KCND3: variants seen among roughly 807,000 people sequenced by gnomAD.
The protein encoded by KCND3 is A-type voltage-gated potassium channel KCND3.
KCND3 carries 9 observed loss-of-function variants against 51.1 expected under a neutral mutation model. That is an observed-to-expected ratio of 0.18 (90% CI 0.11 to 0.31). The LOEUF is 0.31. Among genes scored for constraint, KCND3 ranks in the 10% least tolerant of loss-of-function variants. The probability of loss-of-function intolerance (pLI) is 1.00; values close to 1 mark genes in which losing one functional copy is unlikely to be tolerated. For missense variants in KCND3, 526 were observed against 903.8 expected (o/e 0.58, Z 5.36); for synonymous variants, 349 against 368.0 (o/e 0.95, Z 0.59).
At chr1:111,839,819 G>A (rs1490468726) in intron 2 of KCND3, among the ~76,000 whole-genome samples, 1 of 152,256 alleles carries the variant, frequency 6.6e-6, no homozygotes, top group Non-Finnish European at 1.5e-5. Context: ...AGGTAGGTCT[G>A]ATTCTGAATC....
intron 2 of KCND3, chr1:111,856,775 G>C (rs995108379): frequency 2.0e-5 from 3 of 152,506 alleles, no homozygotes; most frequent in African/African-American, 4.8e-5. Context: ...CTGGGGGCCA[G>C]ACTGGATGGA....
intron 2 of KCND3, among the ~76,000 whole-genome samples, chr1:111,862,405 C>T (rs1668374433): frequency 6.6e-6 from 1 of 152,244 alleles, no homozygotes; most frequent in African/African-American, 2.4e-5. Flanking sequence ...TGCTAATGCC[C>T]CCAACCCTTT....
chr1:111,854,080 T>C (rs1667947329), intron 2 of KCND3: 1 of 152,172 alleles, frequency 6.6e-6, no homozygotes, highest in Admixed American at 6.5e-5. Flanking sequence ...TGTCAGAACA[T>C]GGGGCCCCTC....
intron 2 of KCND3, among the ~76,000 whole-genome samples, chr1:111,867,675 G>A (rs1174881547): frequency 1.3e-5 from 2 of 152,180 alleles, no homozygotes; most frequent in Non-Finnish European, 2.9e-5. Context: ...TCCTAGGGTA[G>A]TATGCACATC....
At chr1:111,776,407 G>A (rs1664115011) in intron 7 of KCND3, 129 bp from the exon 8 acceptor site, 6 of 840,732 alleles carry the variant, frequency 7.1e-6, no homozygotes, top group South Asian at 1.4e-5. Context: ...TCTGCCTTTT[G>A]TAATCAACTT....
intron 2 of KCND3, among the ~76,000 whole-genome samples, chr1:111,892,582 C>T (rs1308568826): frequency 1.3e-5 from 2 of 152,150 alleles, no homozygotes; most frequent in South Asian, 2.1e-4. Context: ...GGCTATGTTT[C>T]CTGGAACTAT....
chr1:111,818,602 G>A (rs944124476), intron 2 of KCND3, among the ~76,000 whole-genome samples: 4 of 152,224 alleles, frequency 2.6e-5, no homozygotes, highest in Non-Finnish European at 2.9e-5. Flanking sequence ...CAGGGGAACA[G>A]ATGGAGTGCG....
intron 2 of KCND3, among the ~76,000 whole-genome samples, chr1:111,874,378 G>C (rs1043461642): frequency 1.3e-5 from 2 of 152,232 alleles, no homozygotes; most frequent in Non-Finnish European, 2.9e-5. Context: ...CCTTGGGACT[G>C]AGTTGCTGCC....
chr1:111,904,539 C>T (rs1670548786), intron 2 of KCND3, among the ~76,000 whole-genome samples: 1 of 152,170 alleles, frequency 6.6e-6, no homozygotes, highest in South Asian at 2.1e-4. Context: ...GAATGTTAAG[C>T]CTTCCCATGC....
At chr1:111,988,784 C>T (rs1675452338) in intron 1 of KCND3, 1 of 152,208 alleles carries the variant, frequency 6.6e-6, no homozygotes, top group Non-Finnish European at 1.5e-5. Context: ...TCTGGAACCT[C>T]AGCCTGTTGC....
At chr1:111,825,322 C>T (rs1052807315) in intron 2 of KCND3, among the ~76,000 whole-genome samples, 2 of 152,152 alleles carry the variant, frequency 1.3e-5, no homozygotes, top group Non-Finnish European at 1.5e-5. Flanking sequence ...CACAATGGCC[C>T]ATCAGCTCAG....
Position 111,780,157 on chromosome 1 carries a change from G to T in KCND3, c.1461+68C>A. On this transcript the variant is annotated intron_variant, in intron 5 of 7. Transcript: ENST00000302127. This position sits in a 1 kb window ranked among gnomAD's most constrained non-coding sequence, Gnocchi z 4.2. ...TTGACTTCTGGCCCAGAGTGAAGAT[G>T]TGAGTACAGCCTTAGAAAAGGGTCA... The T allele has an allele frequency of 7.0e-7, 1 of 1,418,678 alleles. No homozygotes were observed. The highest frequency in any genetic ancestry group is 9.7e-7 in the Non-Finnish European group (1 of 1,027,120). The allele number at this position is 1,418,678 out of a possible 1,614,324, so 87.9% of individuals were successfully genotyped here.
chr1:111,850,575 C>A (rs923877856), intron 2 of KCND3, among the ~76,000 whole-genome samples: 1 of 152,194 alleles, frequency 6.6e-6, no homozygotes, highest in African/African-American at 2.4e-5. Context: ...ATAGCCTGGG[C>A]GCACTGAACT....
chr1:111,857,118 C>G (rs1668110977), intron 2 of KCND3, among the ~76,000 whole-genome samples: 1 of 152,202 alleles, frequency 6.6e-6, no homozygotes, highest in African/African-American at 2.4e-5. Context: ...ATTTCATTTA[C>G]AAATAGTAAG....
At chr1:111,778,634 C>T in intron 5 of KCND3, 142 bp from the exon 6 acceptor site, 4 of 814,434 alleles carry the variant, frequency 4.9e-6, no homozygotes, top group Non-Finnish European at 8.4e-6. Context: ...TCCCAGCATT[C>T]TGCCCCCTTC....
Position 111,858,460 on chromosome 1 carries a change from A to G in KCND3, c.1107-71354T>C, listed in dbSNP as rs375517834. On this transcript the variant is annotated intron_variant, in intron 2 of 7. Coordinates refer to ENST00000302127, the MANE Select transcript of KCND3 (RefSeq NM_001378969.1). ...GTGGATCCTTTGCTTTCATGGTCCC[A>G]TTTCTCCATAAAAACTTTTTAAAAA... Among the ~76,000 whole-genome samples, 41 of 152,284 alleles carry G rather than the reference A, an allele frequency of 2.7e-4. 1 individual carries two copies. In the South Asian group the frequency reaches 7.7e-3, roughly 28 times the overall value.
At position 111,982,328 on chromosome 1, in the gene KCND3, G is replaced by A. The variant is rs144184587; in HGVS notation, c.399C>T (p.Tyr133=). The A allele has an allele frequency of 3.2e-5, 52 of 1,614,020 alleles. No homozygotes were observed. The highest frequency in any genetic ancestry group is 4.0e-5 in the Non-Finnish European group (47 of 1,180,034). The change falls in exon 2 of 8, where the codon TAC becomes TAT. Residue 133 remains tyrosine (Y), a synonymous_variant. Transcript: ENST00000302127. This position sits in a 1 kb window ranked among gnomAD's most constrained non-coding sequence, Gnocchi z 8.5. Reference sequence around the variant, plus strand: ...CCCTCTTGCGGTCCTTGTACTCCTCGTAGCAGCAGTCCCCGATGATCTCCG... The same window carrying A: ...CCCTCTTGCGGTCCTTGTACTCCTCATAGCAGCAGTCCCCGATGATCTCCG... The part of the protein sequence containing the change: ...ILPEIIGDCC[Y]EEYKDRKREN...
intron 1 of KCND3, among the ~76,000 whole-genome samples, chr1:111,985,761 C>T (rs551415750): frequency 2.6e-5 from 4 of 152,366 alleles, no homozygotes; most frequent in South Asian, 2.1e-4. Flanking sequence ...TCCCCATCTG[C>T]ATGCTAAAGG....
chr1:111,846,694 C>T (rs1557974476), intron 2 of KCND3, among the ~76,000 whole-genome samples: 1 of 152,220 alleles, frequency 6.6e-6, no homozygotes, highest in Non-Finnish European at 1.5e-5. Flanking sequence ...TGAGCATTCA[C>T]AATGACCTTT....
Sources: gnomAD v4.1 joint callset for allele counts (sites outside exome capture counted in the v4.1 genomes callset) on GRCh38, gnomAD v4.1.1 for gene constraint, Gnocchi (gnomAD v3.1) non-coding constraint, MANE v1.5 for transcripts, NCBI Gene and HGNC (gene_info 2026-07-23, HGNC 2026-07-21) for gene names.